Variants in OVGP1 observed in about 807,000 individuals in gnomAD.
The protein encoded by OVGP1 is oviductal glycoprotein 1, also known as oviduct-specific glycoprotein.
A neutral mutation model predicts 48.2 loss-of-function variants in OVGP1; 26 were observed. The observed-to-expected ratio is 0.54, with a 90% CI of 0.40 to 0.75. The LOEUF is 0.75. Among genes scored for constraint, OVGP1 ranks in the 30% least tolerant of loss-of-function variants. OVGP1 has a pLI of 0.00. For synonymous variants in OVGP1, 294 were observed against 305.7 expected (o/e 0.96, Z 0.40); for missense variants, 791 against 820.6 (o/e 0.96, Z 0.44).
intron 8 of OVGP1, among the ~76,000 whole-genome samples, chr1:111,420,164 T>C (rs1270945618): frequency 6.6e-6 from 1 of 152,200 alleles, no homozygotes; most frequent in African/African-American, 2.4e-5. Context: ...TTCTAGTAGA[T>C]TTAAAGTTCT....
chr1:111,416,486 C>T (rs370841325), intron 9 of OVGP1, 28 bp from the exon 10 acceptor site: 2 of 1,584,406 alleles, frequency 1.3e-6, no homozygotes, highest in African/African-American at 2.7e-5. Flanking sequence ...AGTCAACCTG[C>T]TGTACTTGTC....
chr1:111,425,017 T>C (rs1328029020), intron 4 of OVGP1, among the ~76,000 whole-genome samples: 1 of 152,212 alleles, frequency 6.6e-6, no homozygotes, highest in East Asian at 1.9e-4. Flanking sequence ...CTGGATCCAC[T>C]AATAAAGTGA....
rs763148460 is a variant in OVGP1, at chr1:111,414,921, ACAGGGGTCAGGGTCTTTTCCC to A, written c.1559_1579del (p.Gly520_Pro526del). 4 of 1,513,340 alleles carry A rather than the reference ACAGGGGTCAGGGTCTTTTCCC, an allele frequency of 2.6e-6. No homozygotes were observed. Among genetic ancestry groups the A allele is most frequent in the South Asian group, 2.3e-5 (2 of 85,898 alleles). 93.7% of individuals were successfully genotyped at this position (1,513,340 alleles called of 1,614,324 possible). A position where few individuals can be genotyped will look rare whatever the true frequency, so the allele number is the denominator to read the frequency against. ...CACAGGGGTCACAGACTGATGACCC[ACAGGGGTCAGGGTCTTTTCCC>A]CAGGGGTCACAGACTGATAACCCAC... is the stretch of plus-strand genomic sequence containing the variant. On this transcript the variant is annotated inframe_deletion, in exon 11 of 11. Coordinates refer to ENST00000369732, the MANE Select transcript of OVGP1 (RefSeq NM_002557.4).
In OVGP1 at chr1:111,425,247, C is replaced by T; in HGVS notation, c.317+136G>A. ...CAGGATATCCCTTGAGTGCAGGGGT[C>T]TAAGATTCATGAGTTGGGGAAGTAT... On this transcript the variant is annotated intron_variant, in intron 4 of 10. Coordinates refer to ENST00000369732, the MANE Select transcript of OVGP1 (RefSeq NM_002557.4). 4 of 966,336 alleles carry T rather than the reference C, an allele frequency of 4.1e-6. No homozygotes were observed. In the Admixed American group the frequency reaches 9.3e-5, roughly 22 times the overall value. The allele number at this position is 966,336 out of a possible 1,614,324, so 59.9% of individuals were successfully genotyped here.
rs372542948 is a variant in OVGP1, at chr1:111,421,324, T to C, written c.855A>G (p.Ala285=). Residue 285 remains alanine, a synonymous_variant, in exon 8 of 11, where the codon GCA becomes GCG. Coordinates refer to ENST00000369732, the MANE Select transcript of OVGP1 (RefSeq NM_002557.4). ...NGLQARAIGP[A]SPGKYTKQEG... The stretch of plus-strand genomic sequence containing the variant: ...CTTGCTTGGTGTACTTCCCTGGAGA[T>C]GCTGGTCCGATCGCTCTGGCCTGCA... 2.0e-5 allele frequency: 33 copies of C among 1,613,668 alleles called. No homozygotes were observed. The highest frequency in any genetic ancestry group is 2.5e-5 in the Non-Finnish European group (30 of 1,179,908).
Position 111,423,089 on chromosome 1 carries a change from A to G in OVGP1, c.484-38T>C, listed in dbSNP as rs1652312879. ...ACAGAAAGACACAGAGAACTGGACA[A>G]ACAGAGAGGCGGGGCCTGGGGGGAG... is the stretch of plus-strand genomic sequence containing the variant. On this transcript the variant is annotated intron_variant, in intron 5 of 10. Transcript: ENST00000369732. The G allele has an allele frequency of 1.9e-6, 3 of 1,612,362 alleles. No individual in the cohort carries two copies. In the East Asian group the frequency reaches 6.7e-5, roughly 36 times the overall value.
intron 9 of OVGP1, among the ~76,000 whole-genome samples, chr1:111,418,963 C>T (rs1299149548): frequency 1.3e-5 from 2 of 152,230 alleles, no homozygotes; most frequent in East Asian, 1.9e-4. Context: ...ATACCACTTA[C>T]ATGAAGGGAG....
Position 111,419,639 on chromosome 1 carries a change from A to G in OVGP1, c.991T>C (p.Tyr331His). Residue 331 changes from tyrosine to histidine, a missense_variant, in exon 9 of 11, where the codon TAT (tyrosine) becomes CAT (histidine). Tyr to His is a moderately conservative substitution (Grantham distance 83). Transcript: ENST00000369732. The part of the protein sequence containing the change: ...YANKGKEWVG[Y>H]DNAISFSYKA... ...TAACTGAAGCTGATGGCATTGTCAT[A>G]GCCAACCCACTCTTTCCCCTTGTTG... 1.2e-6 allele frequency: 2 copies of G among 1,610,356 alleles called. No homozygotes were observed. Among genetic ancestry groups the G allele is most frequent in the Admixed American group, 1.7e-5 (1 of 60,006 alleles).
chr1:111,422,907 C>A lies in OVGP1; in HGVS notation c.608+20G>T. The A allele has an allele frequency of 6.2e-7, 1 of 1,613,722 alleles. No individual in the cohort carries two copies. Among genetic ancestry groups the A allele is most frequent in the African/African-American group, 1.3e-5 (1 of 74,996 alleles). ...TGCTTCCCACCAATGTCCTGCCCCA[C>A]CAAAGCAATATCCACTCACCTTCCT... On this transcript the variant is annotated intron_variant, in intron 6 of 10. Transcript: ENST00000369732.
intron 9 of OVGP1, among the ~76,000 whole-genome samples, chr1:111,417,376 T>G (rs772379065): frequency 1.3e-5 from 2 of 152,232 alleles, no homozygotes; most frequent in African/African-American, 2.4e-5. Flanking sequence ...GAGCTTAGAT[T>G]CAAGTCCAGG....
At chr1:111,416,666 T>TTA in intron 9 of OVGP1, 1 of 394,934 alleles carries the variant, frequency 2.5e-6, no homozygotes, top group Admixed American at 4.5e-5. Flanking sequence ...GCCTCATTTG[T>TTA]GAAAAAAAAA....
At position 111,426,421 on chromosome 1, in the gene OVGP1, T is replaced by C. The variant is rs746100085; in HGVS notation, c.260+16A>G. The C allele has an allele frequency of 4.3e-6, 7 of 1,613,838 alleles. No homozygotes were observed. The highest frequency in any genetic ancestry group is 5.9e-6 in the Non-Finnish European group (7 of 1,179,938). On this transcript the variant is annotated intron_variant, in intron 3 of 10. Coordinates refer to ENST00000369732, the MANE Select transcript of OVGP1 (RefSeq NM_002557.4). ...GAAATCTGAAAATACAACCCCCACA[T>C]CCAATATGAACACACCTCTCCTTTA...
At chr1:111,427,241 C>T (rs1378174990) in intron 1 of OVGP1, 150 bp from the exon 2 acceptor site, 1 of 1,490,322 alleles carries the variant, frequency 6.7e-7, no homozygotes, top group African/African-American at 1.4e-5. Flanking sequence ...ACACCATTTA[C>T]TCGTTTCCTA....
chr1:111,415,086 T>C lies in OVGP1; in HGVS notation c.1415A>G (p.Glu472Gly). The change falls in exon 11 of 11, where the codon GAG (glutamate) becomes GGG (glycine). Residue 472 changes from glutamate to glycine, a missense_variant. Physicochemically the swap from Glu to Gly is moderately conservative, Grantham distance 98 (BLOSUM62 -2). Coordinates refer to ENST00000369732, the MANE Select transcript of OVGP1 (RefSeq NM_002557.4). ...KHTVALGEKT[E>G]ITGAMTMTSV... Reference sequence around the variant, plus strand: ...AGTCATGGTCATTGCCCCAGTGATCTCAGTCTTCTCTCCTAGAGCTACAGT... The same window carrying C: ...AGTCATGGTCATTGCCCCAGTGATCCCAGTCTTCTCTCCTAGAGCTACAGT... The C allele has an allele frequency of 6.2e-7, 1 of 1,614,174 alleles. No homozygotes were observed. Among genetic ancestry groups the C allele is most frequent in the Non-Finnish European group, 8.5e-7 (1 of 1,180,006 alleles).
chr1:111,417,622 TAC>T (rs150955515), intron 9 of OVGP1, among the ~76,000 whole-genome samples: 42 of 151,016 alleles, frequency 2.8e-4, no homozygotes, highest in Middle Eastern at 3.4e-3. Context: ...TTTGTGTGTA[TAC>T]ACACACACAC....
intron 2 of OVGP1, 200 bp from the exon 3 acceptor site, chr1:111,426,841 C>T: frequency 6.5e-7 from 1 of 1,547,902 alleles, no homozygotes; most frequent in Non-Finnish European, 8.7e-7. Context: ...AAAACAATGC[C>T]TTGTGAAATC....
chr1:111,422,788 G>T, intron 6 of OVGP1, 139 bp downstream of exon 6: 2 of 941,238 alleles, frequency 2.1e-6, no homozygotes, highest in Non-Finnish European at 3.3e-6. Flanking sequence ...ATGCTCCTCA[G>T]TCCAGCCCCA....
Position 111,414,719 on chromosome 1 carries a change from C to T in OVGP1, c.1782G>A (p.Gly594=), listed in dbSNP as rs77678113. 7.6e-4 allele frequency: 1,227 copies of T among 1,613,786 alleles called. 17 individuals carry two copies. In the East Asian group the frequency reaches 0.018, roughly 24 times the overall value. The part of the protein sequence containing the change: ...TPEGQTMPLR[G]ENLTSEVGTH... Reference sequence around the variant, plus strand: ...TGCCCACCTCAGAAGTCAAATTCTCCCCTCTTAAAGGCATAGTCTGCCCTT... The same window carrying T: ...TGCCCACCTCAGAAGTCAAATTCTCTCCTCTTAAAGGCATAGTCTGCCCTT... The change falls in exon 11 of 11, where the codon GGG becomes GGA. Residue 594 remains glycine (G), a synonymous_variant. Transcript: ENST00000369732.
Position 111,421,386 on chromosome 1 carries a change from G to A in OVGP1, c.793C>T (p.Arg265Cys), listed in dbSNP as rs758254920. The change falls in exon 8 of 11, where the codon CGT (arginine) becomes TGT (cysteine). Residue 265 changes from arginine to cysteine, a missense_variant. Coordinates refer to ENST00000369732, the MANE Select transcript of OVGP1 (RefSeq NM_002557.4). ...KLIMGIPTYG[R>C]TFRLLKASKN... ...GAGGCTTTGAGGAGGCGAAAGGTAC[G>A]TCCATAGGTGGGGATCCCCATGATG... The A allele has an allele frequency of 8.7e-6, 14 of 1,613,968 alleles. No homozygotes were observed. The highest frequency in any genetic ancestry group is 2.2e-5 in the East Asian group (1 of 44,894).
Sources: allele counts gnomAD v4.1 joint callset (sites outside exome capture counted in the v4.1 genomes callset), GRCh38; gene constraint gnomAD v4.1.1; transcripts MANE v1.5; gene names NCBI Gene and HGNC (gene_info 2026-07-23, HGNC 2026-07-21).